Variants in CDK2AP2 observed in about 807,000 individuals in gnomAD.
The protein encoded by CDK2AP2 is cyclin dependent kinase 2 associated protein 2, also known as cyclin-dependent kinase 2-associated protein 2.
CDK2AP2 carries 1 observed loss-of-function variant against 13.0 expected under a neutral mutation model. That is an observed-to-expected ratio of 0.08 (90% CI 0.03 to 0.37). The LOEUF (loss-of-function observed/expected upper bound fraction) is 0.37, where lower values mean the gene tolerates loss of function less well. Among genes scored for constraint, CDK2AP2 ranks in the 10% least tolerant of loss-of-function variants. The pLI, the probability that CDK2AP2 is intolerant of heterozygous loss-of-function variation, is 0.99. For missense variants in CDK2AP2, 129 were observed against 175.8 expected (o/e 0.73, Z 1.50); for synonymous variants, 76 against 73.0 (o/e 1.04, Z -0.21).
rs545154051 is a variant in CDK2AP2 at position 67,507,950 on chromosome 11, T to A, written c.82+51A>T. 4 of 1,549,364 alleles carry A rather than the reference T, an allele frequency of 2.6e-6. No individual in the cohort carries two copies. The African/African-American group carries it at 5.5e-5, about 21-fold the overall frequency. On this transcript the variant is annotated intron_variant, in intron 1 of 3. Coordinates refer to ENST00000301488, the MANE Select transcript of CDK2AP2 (RefSeq NM_005851.5). ...TTGCAGAACTCAGGCCGTCTTCTCT[T>A]CGAGACCTCGACCGCCCGGCAGGCG...
Position 67,508,048 on chromosome 11 carries a change from C to T in CDK2AP2, c.35G>A (p.Ser12Asn). 1 of 1,523,712 alleles carries T rather than the reference C, an allele frequency of 6.6e-7. No individual in the cohort carries two copies. Among genetic ancestry groups the T allele is most frequent in the Non-Finnish European group, 8.8e-7 (1 of 1,138,624 alleles). 94.4% of individuals were successfully genotyped at this position (1,523,712 alleles called of 1,614,324 possible). A position where few individuals can be genotyped will look rare whatever the true frequency, so the allele number is the denominator to read the frequency against. ...CCCAGGGGTGCTGGAGCCAGGGGTG[C>T]TGCTGGGAGCAGGGGCGATGGGTTT... ...SYKPIAPAPS[S>N]TPGSSTPGPG... The change falls in exon 1 of 4, where the codon AGC (serine) becomes AAC (asparagine). Residue 12 changes from serine to asparagine, a missense_variant. Physicochemically the swap from Ser to Asn is conservative, Grantham distance 46 (BLOSUM62 1). Around this residue, in one of 2 missense-constraint regions of CDK2AP2, gnomAD observed 98 missense variants for 99.7 expected, o/e 0.98. Transcript: ENST00000301488.
Position 67,508,127 on chromosome 11 carries a change from G to A in CDK2AP2, c.-45C>T, listed in dbSNP as rs1565201307. The A allele has an allele frequency of 3.5e-6, 5 of 1,441,410 alleles. No individual in the cohort carries two copies. The highest frequency in any genetic ancestry group is 1.5e-5 in the South Asian group (1 of 66,218). 89.3% of individuals were successfully genotyped at this position (1,441,410 alleles called of 1,614,324 possible). A position where few individuals can be genotyped will look rare whatever the true frequency, so the allele number is the denominator to read the frequency against. On this transcript the variant is annotated 5_prime_UTR_variant, in exon 1 of 4. Transcript: ENST00000301488. ...CGGACGCCAGCCGGCCGCTCCTCGG[G>A]GGTTGGCTGCGGGGCCGCTCAGCCG...
At chr11:67,507,072 A>G (rs2134349746) in intron 3 of CDK2AP2, 60 bp from the exon 4 acceptor site, 3 of 1,252,362 alleles carry the variant, frequency 2.4e-6, no homozygotes, top group South Asian at 2.9e-5. Context: ...CCTCCAGAGG[A>G]GGACCCCTGC....
rs745838281 is a variant in CDK2AP2, at chr11:67,507,008, G to A, written c.318C>T (p.Ile106=). Residue 106 remains isoleucine, a synonymous_variant, in exon 4 of 4, where the codon ATC becomes ATT. Coordinates refer to ENST00000301488, the MANE Select transcript of CDK2AP2 (RefSeq NM_005851.5). ...KSAMERLKRG[I]IHARALVREC... ...CTCTGACTAGGGCCCGGGCATGGAT[G>A]ATACCTGGGGGTGGGGTGGGGTCTC... is the stretch of plus-strand genomic sequence containing the variant. 75 of 1,551,244 alleles carry A rather than the reference G, an allele frequency of 4.8e-5. No homozygotes were observed. Among genetic ancestry groups the A allele is most frequent in the Non-Finnish European group, 1.7e-5 (19 of 1,146,840 alleles).
chr11:67,507,443 A>T lies in CDK2AP2; in HGVS notation c.235T>A (p.Ser79Thr). ...TCTTTGCCCATCTCCTCTATGACTG[A>T]CAGCAGGTCCGTGTAGGTGCTCTGG... ...GSQSTYTDLL[S>T]VIEEMGKEIR... The change falls in exon 3 of 4, where the codon TCA (serine) becomes ACA (threonine). Residue 79 changes from serine (S) to threonine (T), a missense_variant. By Grantham distance (58) the Ser-to-Thr change is moderately conservative. Coordinates refer to ENST00000301488, the MANE Select transcript of CDK2AP2 (RefSeq NM_005851.5). 3 of 1,613,912 alleles carry T rather than the reference A, an allele frequency of 1.9e-6. No individual in the cohort carries two copies. Among genetic ancestry groups the T allele is most frequent in the Non-Finnish European group, 2.5e-6 (3 of 1,180,024 alleles).
chr11:67,507,528 C>G (rs202184381), intron 2 of CDK2AP2, 31 bp from the exon 3 acceptor site: 323 of 1,613,746 alleles, frequency 2.0e-4, no homozygotes, highest in Non-Finnish European at 2.6e-4. Flanking sequence ...GCAGTGAGCT[C>G]AGGCACCTGG....
rs1210233223 is a variant in CDK2AP2, at chr11:67,507,524, A to G, written c.181-27T>C. On this transcript the variant is annotated intron_variant, in intron 2 of 3. Coordinates refer to ENST00000301488, the MANE Select transcript of CDK2AP2 (RefSeq NM_005851.5). ...TATGTCAAAAGAGAACAGGGCAGTG[A>G]GCTCAGGCACCTGGCGGGGAGGGGG... The G allele has an allele frequency of 3.1e-6, 5 of 1,613,748 alleles. No homozygotes were observed. In the South Asian group the frequency reaches 5.5e-5, roughly 18 times the overall value.
At chr11:67,507,339 G>T in intron 3 of CDK2AP2, 26 bp downstream of exon 3, 1 of 1,611,778 alleles carries the variant, frequency 6.2e-7, no homozygotes, top group South Asian at 1.1e-5. Flanking sequence ...TCGGTTTCCT[G>T]AGCAGGGCGG....
Position 67,506,917 on chromosome 11 carries a change from C to T in CDK2AP2, c.*28G>A. 1 of 1,544,694 alleles carries T rather than the reference C, an allele frequency of 6.5e-7. No homozygotes were observed. The highest frequency in any genetic ancestry group is 8.8e-7 in the Non-Finnish European group (1 of 1,141,096). On this transcript the variant is annotated 3_prime_UTR_variant, in exon 4 of 4. Transcript: ENST00000301488. ...GGTGCTCTGCAGTGGCCGGATAGGT[C>T]CAGACGCTGAGGCCGAGGCGCTTCC...
chr11:67,506,640 C>A lies in CDK2AP2; in HGVS notation c.*305G>T, dbSNP rs956133037. ...GCCCCTGCTGGGGGAGAAGGAGGCT[C>A]GGGACAAAGTGGGAGAAGTGCTGGG... On this transcript the variant is annotated 3_prime_UTR_variant, in exon 4 of 4. Coordinates refer to ENST00000301488, the MANE Select transcript of CDK2AP2 (RefSeq NM_005851.5). 28 of 454,468 alleles carry A rather than the reference C, an allele frequency of 6.2e-5. 1 individual carries two copies. The Admixed American group carries it at 9.6e-4, about 16-fold the overall frequency. 28.2% of individuals were successfully genotyped at this position (454,468 alleles called of 1,614,324 possible).
intron 2 of CDK2AP2, 45 bp downstream of exon 2, chr11:67,507,547 G>C (rs1410078744): frequency 6.2e-7 from 1 of 1,613,516 alleles, no homozygotes; most frequent in East Asian, 2.2e-5. Context: ...GGCGGGGAGG[G>C]GGACTCCAGT....
At position 67,507,149 on chromosome 11, in the gene CDK2AP2, G is replaced by C. The variant is rs1220903675; in HGVS notation, c.314-137C>G. 6 of 818,940 alleles carry C rather than the reference G, an allele frequency of 7.3e-6. No homozygotes were observed. The East Asian group carries it at 1.3e-4, about 18-fold the overall frequency. 50.7% of individuals were successfully genotyped at this position (818,940 alleles called of 1,614,324 possible). A position where few individuals can be genotyped will look rare whatever the true frequency, so the allele number is the denominator to read the frequency against. Reference sequence around the variant, plus strand: ...CTAATGACGGCTAGATGAAATTAGAGGTTTGGTTAATCCTCAAGGTTGCCC... The same window carrying C: ...CTAATGACGGCTAGATGAAATTAGACGTTTGGTTAATCCTCAAGGTTGCCC... On this transcript the variant is annotated intron_variant, in intron 3 of 3. Transcript: ENST00000301488.
In CDK2AP2 at chr11:67,506,953, G is replaced by T; in HGVS notation, c.373C>A (p.Arg125Ser). Residue 125 changes from arginine (R) to serine (S), a missense_variant, in exon 4 of 4, where the codon CGC (arginine) becomes AGC (serine). Arg to Ser is a moderately radical substitution (Grantham distance 110, BLOSUM62 -1). Transcript: ENST00000301488. ...ECLAETERNA[R>S]T is the part of the protein sequence containing the mutation. Reference sequence around the variant, plus strand: ...GGCCGAGGCGCTTCCTGTTACGTGCGGGCGTTCCGCTCTGTCTCTGCCAGG... The same window carrying T: ...GGCCGAGGCGCTTCCTGTTACGTGCTGGCGTTCCGCTCTGTCTCTGCCAGG... 6.4e-7 allele frequency: 1 copy of T among 1,554,680 alleles called. No individual in the cohort carries two copies. The highest frequency in any genetic ancestry group is 2.4e-5 in the East Asian group (1 of 41,470).
chr11:67,508,100 G>T lies in CDK2AP2; in HGVS notation c.-18C>A, dbSNP rs770485066. 9 of 1,458,756 alleles carry T rather than the reference G, an allele frequency of 6.2e-6. No homozygotes were observed. In the South Asian group the frequency reaches 8.5e-5, roughly 14 times the overall value. The allele number at this position is 1,458,756 out of a possible 1,614,324, so 90.4% of individuals were successfully genotyped here. ...TAGGACATCCCCAACTCCTGGGCGC[G>T]GCGGACGCCAGCCGGCCGCTCCTCG... On this transcript the variant is annotated 5_prime_UTR_variant, in exon 1 of 4. Transcript: ENST00000301488.
rs1452012972 is a variant in CDK2AP2, at chr11:67,507,672, A to G, written c.100T>C (p.Ser34Pro). Residue 34 changes from serine (S) to proline (P), a missense_variant, in exon 2 of 4, where the codon TCG (serine) becomes CCG (proline). By Grantham distance (74) the Ser-to-Pro change is moderately conservative (BLOSUM62 -1). Coordinates refer to ENST00000301488, the MANE Select transcript of CDK2AP2 (RefSeq NM_005851.5). ...GCGCCGGCTCCTGGCACTGAGCCCG[A>G]CGGCGACGGGACGCTTCCTGCAGCA... ...PVPTGSVPSP[S>P]GSVPGAGAPF... 1 of 1,613,122 alleles carries G rather than the reference A, an allele frequency of 6.2e-7. No individual in the cohort carries two copies. Among genetic ancestry groups the G allele is most frequent in the East Asian group, 2.2e-5 (1 of 44,890 alleles).
At chr11:67,507,212 G>T (rs1394841998) in intron 3 of CDK2AP2, 153 bp downstream of exon 3, 58 of 948,292 alleles carry the variant, frequency 6.1e-5, no homozygotes, top group Non-Finnish European at 8.9e-5. Flanking sequence ...CCCTGGAAAT[G>T]GACTCAATTT....
chr11:67,507,951 C>T (rs1269054885), intron 1 of CDK2AP2, 50 bp downstream of exon 1: 2 of 1,549,484 alleles, frequency 1.3e-6, no homozygotes, highest in East Asian at 4.9e-5. Context: ...GTCTTCTCTT[C>T]GAGACCTCGA....
At position 67,507,366 on chromosome 11, in the gene CDK2AP2, T is replaced by C; in HGVS notation, c.312A>G (p.Arg104=). Residue 104 remains arginine, a splice_region_variant and synonymous_variant, in exon 3 of 4, where the codon AGA becomes AGG. Coordinates refer to ENST00000301488, the MANE Select transcript of CDK2AP2 (RefSeq NM_005851.5). ...GSKSAMERLK[R]GIIHARALVR... is the part of the protein sequence containing the mutation. ...GCAGGGCGGCCTGGCCTCACTTACC[T>C]CTCTTCAGGCGCTCCATGGCGCTCT... 1.2e-6 allele frequency: 2 copies of C among 1,612,312 alleles called. No homozygotes were observed. The highest frequency in any genetic ancestry group is 1.1e-5 in the South Asian group (1 of 91,016).
intron 2 of CDK2AP2, 21 bp downstream of exon 2, chr11:67,507,571 C>A: frequency 6.2e-7 from 1 of 1,613,568 alleles, no homozygotes; most frequent in Non-Finnish European, 8.5e-7. Context: ...CATCCATAAG[C>A]AAGGCTTTGG....
Sources: allele counts gnomAD v4.1 joint callset, GRCh38; gene constraint gnomAD v4.1.1; regional missense constraint gnomAD v4.1.1; transcripts MANE v1.5; gene names NCBI Gene and HGNC (gene_info 2026-07-23, HGNC 2026-07-21).